Variants in RNF180 observed in about 807,000 individuals in gnomAD.
RNF180 encodes the protein ring finger protein 180, also known as E3 ubiquitin-protein ligase RNF180.
A neutral mutation model predicts 59.2 loss-of-function variants in RNF180; 38 were observed. The observed-to-expected ratio is 0.64, with a 90% CI of 0.50 to 0.84. The LOEUF is 0.84. RNF180 is among the 40% of genes least tolerant of loss of function. The probability of loss-of-function intolerance (pLI) is 0.00; values close to 1 mark genes in which losing one functional copy is unlikely to be tolerated. For missense variants in RNF180, 705 were observed against 700.9 expected (o/e 1.01, Z -0.07); for synonymous variants, 262 against 240.3 (o/e 1.09, Z -0.84).
chr5:64,176,355 CT>C (rs1322040962), intron 1 of RNF180, among the ~76,000 whole-genome samples: 2 of 151,984 alleles, frequency 1.3e-5, no homozygotes, highest in East Asian at 1.9e-4. Flanking sequence ...CTCCTATCTT[CT>C]TTTTCTTAAG....
intron 5 of RNF180, among the ~76,000 whole-genome samples, chr5:64,286,853 C>T (rs925411759): frequency 2.0e-5 from 3 of 152,058 alleles, no homozygotes; most frequent in African/African-American, 7.2e-5. Flanking sequence ...GAAAACAAGA[C>T]CTGTTCATCA....
intron 5 of RNF180, among the ~76,000 whole-genome samples, chr5:64,321,105 A>C (rs1275533237): frequency 6.6e-6 from 1 of 152,206 alleles, no homozygotes; most frequent in Non-Finnish European, 1.5e-5. Context: ...GAAAACCAGC[A>C]CAAGACAAGG....
intron 5 of RNF180, among the ~76,000 whole-genome samples, chr5:64,256,699 C>T (rs1051422219): frequency 2.0e-5 from 3 of 152,050 alleles, no homozygotes; most frequent in African/African-American, 7.2e-5. Flanking sequence ...TTTTTTGGTT[C>T]CATATGAAAT....
chr5:64,242,050 C>A (rs140159224), intron 5 of RNF180, among the ~76,000 whole-genome samples: 54 of 152,316 alleles, frequency 3.5e-4, no homozygotes, highest in African/African-American at 1.2e-3. Flanking sequence ...GCCTCAGGTT[C>A]CAGAAAGCCC....
In RNF180 at chr5:64,184,625, T is replaced by C. The variant is rs548534972; in HGVS notation, c.1-16183T>C. Among the ~76,000 whole-genome samples, 15 of 152,300 alleles carry C rather than the reference T, an allele frequency of 9.8e-5. 2 individuals are homozygous for C. Among genetic ancestry groups the C allele is most frequent in the African/African-American group, 3.6e-4 (15 of 41,572 alleles). ...AGATTCTGACATCCTCCATATCACCTGAGAATCCTAAAATTTCAGGTTTGG... is the reference window on the plus strand; with the variant it reads ...AGATTCTGACATCCTCCATATCACCCGAGAATCCTAAAATTTCAGGTTTGG... On this transcript the variant is annotated intron_variant, in intron 1 of 7. Transcript: ENST00000389100.
intron 5 of RNF180, among the ~76,000 whole-genome samples, chr5:64,282,298 T>C (rs1742052780): frequency 6.6e-6 from 1 of 152,194 alleles, no homozygotes; most frequent in Non-Finnish European, 1.5e-5. Flanking sequence ...TTTCCAGCAA[T>C]TTATCTATTT....
At chr5:64,356,313 A>G (rs920557152) in intron 7 of RNF180, among the ~76,000 whole-genome samples, 8 of 151,824 alleles carry the variant, frequency 5.3e-5, no homozygotes, top group African/African-American at 1.9e-4. Context: ...TAAAAAGACA[A>G]CATGGCTACC....
At chr5:64,223,012 A>G (rs1009842858) in intron 5 of RNF180, among the ~76,000 whole-genome samples, 1 of 152,250 alleles carries the variant, frequency 6.6e-6, no homozygotes, top group Non-Finnish European at 1.5e-5. Flanking sequence ...ACAAATCACT[A>G]TAAACATTGG....
intron 5 of RNF180, among the ~76,000 whole-genome samples, chr5:64,245,346 C>G (rs1338590153): frequency 2.0e-5 from 3 of 152,026 alleles, no homozygotes; most frequent in African/African-American, 7.3e-5. Flanking sequence ...GAGTCTAGAC[C>G]CATCAGTGTG....
At chr5:64,232,159 G>C (rs1020034293) in intron 5 of RNF180, among the ~76,000 whole-genome samples, 3 of 152,046 alleles carry the variant, frequency 2.0e-5, no homozygotes, top group African/African-American at 4.8e-5. Flanking sequence ...AGAGCATAAG[G>C]GTTTATATTT....
At chr5:64,301,292 T>G (rs1743148142) in intron 5 of RNF180, among the ~76,000 whole-genome samples, 1 of 151,762 alleles carries the variant, frequency 6.6e-6, no homozygotes, top group East Asian at 1.9e-4. Flanking sequence ...ATTAGTATTT[T>G]AATCCTCATA....
At chr5:64,336,497 G>C (rs996113105) in intron 7 of RNF180, among the ~76,000 whole-genome samples, 1 of 152,198 alleles carries the variant, frequency 6.6e-6, no homozygotes, top group Non-Finnish European at 1.5e-5. Context: ...CTCCAAAGCA[G>C]AATGTCTGGG....
Position 64,345,174 on chromosome 5 carries a change from C to G in RNF180, c.1579+14768C>G, listed in dbSNP as rs375567328. Among the ~76,000 whole-genome samples, 41 of 152,292 alleles carry G rather than the reference C, an allele frequency of 2.7e-4. No homozygotes were observed. The South Asian group carries it at 8.5e-3, about 32-fold the overall frequency. ...CCTGAGTTTATGCACCTCCAACACT[C>G]TTCTAATTTAGGAAAGCAAGGAGAG... On this transcript the variant is annotated intron_variant, in intron 7 of 7. Transcript: ENST00000389100.
intron 1 of RNF180, among the ~76,000 whole-genome samples, chr5:64,174,476 T>A (rs1289233759): frequency 6.6e-6 from 1 of 152,210 alleles, no homozygotes; most frequent in African/African-American, 2.4e-5. Flanking sequence ...TTGTTATTTT[T>A]TTTTCTTTTT....
At chr5:64,200,276 TA>T (rs535702726) in intron 1 of RNF180, among the ~76,000 whole-genome samples, 2 of 151,332 alleles carry the variant, frequency 1.3e-5, no homozygotes, top group African/African-American at 2.4e-5. Flanking sequence ...CTACAGAAAG[TA>T]AAAAAAATAA....
rs937423306 is a variant in RNF180, at chr5:64,213,977, C to T, written c.651C>T (p.Gly217=). Residue 217 remains glycine, a synonymous_variant, in exon 4 of 8, where the codon GGC becomes GGT. Coordinates refer to ENST00000389100, the MANE Select transcript of RNF180 (RefSeq NM_001113561.2). ...TTTTTGTTCCCCAGCTTGTGACTGG[C>T]AGATGCGCTACAAGAGCTTTTCATA... ...YQLFVPQLVT[G]RCATRAFHRK... The T allele has an allele frequency of 3.7e-6, 6 of 1,613,918 alleles. No homozygotes were observed. The African/African-American group carries it at 5.3e-5, about 14-fold the overall frequency.
intron 1 of RNF180, among the ~76,000 whole-genome samples, chr5:64,170,689 T>C (rs1296353104): frequency 6.6e-6 from 1 of 152,200 alleles, no homozygotes; most frequent in Non-Finnish European, 1.5e-5. Flanking sequence ...CAGCTTCTTA[T>C]CCTGGTTAAC....
rs142329195 is a variant in RNF180 at position 64,340,541 on chromosome 5, A to C, written c.1579+10135A>C. 5.0e-4 allele frequency among the ~76,000 whole-genome samples: 76 copies of C among 152,340 alleles called. 1 individual carries two copies. The highest frequency in any genetic ancestry group is 1.3e-3 in the African/African-American group (55 of 41,582). Reference sequence around the variant, plus strand: ...ACATGCTCACACAGCATGAGTGTGAATATAACGCAGAAATCCACCTTCTCA... The same window carrying C: ...ACATGCTCACACAGCATGAGTGTGACTATAACGCAGAAATCCACCTTCTCA... On this transcript the variant is annotated intron_variant, in intron 7 of 7. Transcript: ENST00000389100.
intron 6 of RNF180, among the ~76,000 whole-genome samples, chr5:64,326,668 C>T (rs1744659311): frequency 6.6e-6 from 1 of 152,126 alleles, no homozygotes; most frequent in South Asian, 2.1e-4. Context: ...TGGATAAATC[C>T]CGCTTGGTCA....
Sources: gnomAD v4.1 joint callset for allele counts (sites outside exome capture counted in the v4.1 genomes callset) on GRCh38, gnomAD v4.1.1 for gene constraint, MANE v1.5 for transcripts, NCBI Gene and HGNC (gene_info 2026-07-23, HGNC 2026-07-21) for gene names.